Variants in TBC1D8 observed in about 807,000 individuals in gnomAD.
TBC1D8 encodes the protein TBC1 domain family member 8.
TBC1D8 carries 65 observed loss-of-function variants against 118.8 expected under a neutral mutation model. The observed-to-expected ratio is 0.55, with a 90% CI of 0.45 to 0.67. TBC1D8 has a LOEUF of 0.67. Ranked by LOEUF, TBC1D8 falls within the 30% of genes least tolerant of loss-of-function variation. The probability of loss-of-function intolerance (pLI) is 0.00; values close to 1 mark genes in which losing one functional copy is unlikely to be tolerated. For synonymous variants in TBC1D8, 566 were observed against 595.8 expected (o/e 0.95, Z 0.73); for missense variants, 1,376 against 1,471.2 (o/e 0.94, Z 1.06).
chr2:101,097,298 C>CA (rs1479672895), intron 1 of TBC1D8, among the ~76,000 whole-genome samples: 1 of 151,738 alleles, frequency 6.6e-6, no homozygotes, highest in African/African-American at 2.4e-5. Context: ...ACCTAATTAG[C>CA]AAAAAATGTT....
chr2:101,128,254 G>T (rs1678437076), intron 1 of TBC1D8, among the ~76,000 whole-genome samples: 1 of 152,162 alleles, frequency 6.6e-6, no homozygotes, highest in East Asian at 1.9e-4. Flanking sequence ...ACAAATGACT[G>T]AACAGTAAAC....
At chr2:101,021,369 TCACA>T (rs1374293754) in intron 17 of TBC1D8, among the ~76,000 whole-genome samples, 2 of 152,182 alleles carry the variant, frequency 1.3e-5, no homozygotes, top group African/African-American at 4.8e-5. Flanking sequence ...GATATGGCTC[TCACA>T]CACATTCCAC....
intron 2 of TBC1D8, among the ~76,000 whole-genome samples, chr2:101,076,123 G>C (rs1674799340): frequency 6.6e-6 from 1 of 152,156 alleles, no homozygotes; most frequent in South Asian, 2.1e-4. Flanking sequence ...AGAGCAAAAG[G>C]AGGCATTTTA....
chr2:101,025,916 G>T (rs1457149922), intron 15 of TBC1D8, among the ~76,000 whole-genome samples: 3 of 152,162 alleles, frequency 2.0e-5, no homozygotes, highest in Non-Finnish European at 4.4e-5. Context: ...TCACAGACCT[G>T]AATTTATGTG....
At chr2:101,133,256 T>C (rs994757140) in intron 1 of TBC1D8, among the ~76,000 whole-genome samples, 1 of 151,914 alleles carries the variant, frequency 6.6e-6, no homozygotes, top group African/African-American at 2.4e-5. Flanking sequence ...TTTTCAGAAA[T>C]GCATATAGAA....
Position 101,060,098 on chromosome 2 carries a change from C to T in TBC1D8, c.284-559G>A, listed in dbSNP as rs552881087. ...ATGGGCCAGGTGGCCAAGTGAGTTACCGCTGGGACTGTTCTATGACCATCC... is the reference window on the plus strand; with the variant it reads ...ATGGGCCAGGTGGCCAAGTGAGTTATCGCTGGGACTGTTCTATGACCATCC... On this transcript the variant is annotated intron_variant, in intron 2 of 19. Coordinates refer to ENST00000409318, the MANE Select transcript of TBC1D8 (RefSeq NM_001330348.2). 3.3e-4 allele frequency among the ~76,000 whole-genome samples: 50 copies of T among 152,358 alleles called. 1 individual carries two copies. The South Asian group carries it at 0.01, about 31-fold the overall frequency.
chr2:101,146,142 C>CTCTA (rs1679308794), intron 1 of TBC1D8, among the ~76,000 whole-genome samples: 1 of 152,180 alleles, frequency 6.6e-6, no homozygotes, highest in African/African-American at 2.4e-5. Flanking sequence ...AGAAAACAGT[C>CTCTA]TCTAACCCTC....
In TBC1D8 at chr2:101,028,006, C is replaced by G. The variant is rs758514364; in HGVS notation, c.2451+42G>C. The G allele has an allele frequency of 6.3e-6, 10 of 1,596,468 alleles. No homozygotes were observed. In the South Asian group the frequency reaches 1.1e-4, roughly 18 times the overall value. On this transcript the variant is annotated intron_variant, in intron 14 of 19. Coordinates refer to ENST00000409318, the MANE Select transcript of TBC1D8 (RefSeq NM_001330348.2). ...AAGGATGCGCACTCCCAGGTTGGCTCCCCAATACCGTGATCACCGGGGTGA... is the reference window on the plus strand; with the variant it reads ...AAGGATGCGCACTCCCAGGTTGGCTGCCCAATACCGTGATCACCGGGGTGA...
chr2:101,062,938 C>A (rs1682833066), intron 2 of TBC1D8, among the ~76,000 whole-genome samples: 1 of 152,140 alleles, frequency 6.6e-6, no homozygotes, highest in Admixed American at 6.5e-5. Context: ...CCGCGCCCAG[C>A]CCTGCTAATT....
At chr2:101,126,580 T>G (rs1296811779) in intron 1 of TBC1D8, among the ~76,000 whole-genome samples, 2 of 152,178 alleles carry the variant, frequency 1.3e-5, no homozygotes, top group Admixed American at 1.3e-4. Context: ...GGTAACCAGG[T>G]GGCCTAGATA....
intron 14 of TBC1D8, 109 bp from the exon 15 acceptor site, chr2:101,027,560 C>A (rs1680410043): frequency 4.5e-6 from 4 of 895,598 alleles, no homozygotes; most frequent in Admixed American, 4.0e-5. Flanking sequence ...GCCCATGCAC[C>A]AGCTTCTCTC....
At chr2:101,084,182 G>GACC (rs1428895799) in intron 2 of TBC1D8, among the ~76,000 whole-genome samples, 1 of 152,200 alleles carries the variant, frequency 6.6e-6, no homozygotes, top group Non-Finnish European at 1.5e-5. Flanking sequence ...TGCACTGCTG[G>GACC]AAGGGGAGGA....
At chr2:101,062,007 C>T (rs578197863) in intron 2 of TBC1D8, among the ~76,000 whole-genome samples, 5 of 152,336 alleles carry the variant, frequency 3.3e-5, no homozygotes, top group South Asian at 4.1e-4. Context: ...CATGCTGGCC[C>T]GACTTAGGGG....
intron 15 of TBC1D8, chr2:101,023,613 AT>A (rs765037246): frequency 7.5e-5 from 33 of 439,000 alleles, no homozygotes; most frequent in South Asian, 4.5e-4. Flanking sequence ...TACATTAACA[AT>A]TTTTTTTAAG....
chr2:101,062,818 T>A (rs369855976), intron 2 of TBC1D8, among the ~76,000 whole-genome samples: 1 of 152,070 alleles, frequency 6.6e-6, no homozygotes, highest in East Asian at 1.9e-4. Flanking sequence ...ACTTTTGTAT[T>A]GTTAGTAGAG....
At chr2:101,150,333 G>T (rs936511485) in intron 1 of TBC1D8, among the ~76,000 whole-genome samples, 1 of 151,954 alleles carries the variant, frequency 6.6e-6, no homozygotes, top group Non-Finnish European at 1.5e-5. Flanking sequence ...TCCAAAATTG[G>T]AAAGAAAAAT....
chr2:101,100,587 A>C (rs745365001), intron 1 of TBC1D8, among the ~76,000 whole-genome samples: 15 of 151,634 alleles, frequency 9.9e-5, no homozygotes, highest in Non-Finnish European at 1.9e-4. Flanking sequence ...AAAGCTGAAA[A>C]TACTACTAAA....
intron 17 of TBC1D8, among the ~76,000 whole-genome samples, chr2:101,014,504 T>C (rs985679694): frequency 6.6e-6 from 1 of 152,208 alleles, no homozygotes; most frequent in Admixed American, 6.5e-5. Context: ...TTCAAAGTCA[T>C]TGTCTCCTCC....
At chr2:101,020,988 G>C (rs1261013878) in intron 17 of TBC1D8, among the ~76,000 whole-genome samples, 1 of 152,104 alleles carries the variant, frequency 6.6e-6, no homozygotes, top group African/African-American at 2.4e-5. Context: ...ATGCCCAGTG[G>C]ATAAAGGAGA....
Sources: gnomAD v4.1 joint callset for allele counts (sites outside exome capture counted in the v4.1 genomes callset) on GRCh38, gnomAD v4.1.1 for gene constraint, MANE v1.5 for transcripts, NCBI Gene and HGNC (gene_info 2026-07-23, HGNC 2026-07-21) for gene names.